FRMD5: variants seen among roughly 807,000 people sequenced by gnomAD.
FRMD5 encodes FERM domain containing 5.
In FRMD5, 20 loss-of-function variants were observed where a neutral mutation model predicts 69.0. The observed-to-expected ratio is 0.29, with a 90% CI of 0.20 to 0.42. The LOEUF (loss-of-function observed/expected upper bound fraction) is 0.42. Among genes scored for constraint, FRMD5 ranks in the 10% least tolerant of loss-of-function variants. The pLI is 1.00. For missense variants in FRMD5, 595 were observed against 708.6 expected, an observed-to-expected ratio of 0.84 and a Z score of 1.82; for synonymous variants, 271 against 260.1, an observed-to-expected ratio of 1.04 and a Z score of -0.40.
rs7166242 is a variant in FRMD5 at position 43,875,363 on chromosome 15, A to T, written c.1136-901T>A. ...AAGACTGTCTCAAAAAAAAAAAAAAAATATATATATATATATATATATATA... is the reference window on the plus strand; with the variant it reads ...AAGACTGTCTCAAAAAAAAAAAAAATATATATATATATATATATATATATA... On this transcript the variant is annotated intron_variant, in intron 13 of 13. Transcript: ENST00000417257. Among the ~76,000 whole-genome samples, 669 of 105,234 alleles carry T rather than the reference A, an allele frequency of 6.4e-3. 3 individuals are homozygous for T. The highest frequency in any genetic ancestry group is 0.021 in the African/African-American group (521 of 24,704). The allele number at this position is 105,234 out of a possible 152,430, so 69.0% of individuals were successfully genotyped here.
chr15:43,990,032 C>T, intron 1 of FRMD5: 1 of 801,072 alleles, frequency 1.2e-6, no homozygotes, highest in Non-Finnish European at 2.2e-6. Context: ...ACATAGGAGT[C>T]CTTCTGACCC....
rs1255519662 is a variant in FRMD5 at position 43,874,155 on chromosome 15, G to A, written c.1443C>T (p.Ala481=). The change falls in exon 14 of 14, where the codon GCC becomes GCT. Residue 481 remains alanine (A), a synonymous_variant. Transcript: ENST00000417257. Reference sequence around the variant, plus strand: ...CGGGCCCGCTGTGCCCCTGACACAGGGCCCTCAGCTCTCCCCCAAGGGCCT... The same window carrying A: ...CGGGCCCGCTGTGCCCCTGACACAGAGCCCTCAGCTCTCCCCCAAGGGCCT... ...EVEALGGELR[A]LCQGHSGPEE... The A allele has an allele frequency of 3.7e-6, 6 of 1,614,162 alleles. No homozygotes were observed. The highest frequency in any genetic ancestry group is 5.1e-6 in the Non-Finnish European group (6 of 1,180,040).
intron 1 of FRMD5, among the ~76,000 whole-genome samples, chr15:44,012,067 C>T (rs1370424091): frequency 6.6e-6 from 1 of 152,164 alleles, no homozygotes; most frequent in Non-Finnish European, 1.5e-5. Context: ...TTCACTTTCA[C>T]TGCTATGTGC....
intron 1 of FRMD5, among the ~76,000 whole-genome samples, chr15:44,164,792 G>A (rs971748048): frequency 3.9e-5 from 6 of 152,154 alleles, no homozygotes; most frequent in Non-Finnish European, 7.3e-5. Flanking sequence ...CAGGAACCAC[G>A]GAGAATACAT....
intron 1 of FRMD5, among the ~76,000 whole-genome samples, chr15:44,182,124 C>T (rs2078013191): frequency 6.6e-6 from 1 of 151,192 alleles, no homozygotes; most frequent in African/African-American, 2.4e-5. Context: ...AATTTTCCTG[C>T]CTCAGCCTCC....
At chr15:44,068,979 A>T (rs754236143) in intron 1 of FRMD5, among the ~76,000 whole-genome samples, 1 of 152,170 alleles carries the variant, frequency 6.6e-6, no homozygotes, top group Non-Finnish European at 1.5e-5. Context: ...TCAAAATCCA[A>T]TAATAAAAAC....
chr15:44,022,584 GAA>G (rs5812262), intron 1 of FRMD5, among the ~76,000 whole-genome samples: 4 of 73,192 alleles, frequency 5.5e-5, no homozygotes, highest in African/African-American at 1.7e-4. Flanking sequence ...CACTCCACCA[GAA>G]AAAAAAAAAA....
At position 44,011,422 on chromosome 15, in the gene FRMD5, T is replaced by C. The variant is rs915002615; in HGVS notation, c.103-87113A>G. ...CTAAGAGGGAAGAGTCAAAGGTGAC[T>C]TGGAGAATGCTGATGTCATTCAAGA... On this transcript the variant is annotated intron_variant, in intron 1 of 13. Transcript: ENST00000417257. Among the ~76,000 whole-genome samples the C allele has an allele frequency of 7.9e-5, 12 of 152,234 alleles. 1 individual carries two copies. In the South Asian group the frequency reaches 1.9e-3, roughly 24 times the overall value.
chr15:44,165,039 T>C (rs935459337), intron 1 of FRMD5, among the ~76,000 whole-genome samples: 4 of 152,170 alleles, frequency 2.6e-5, no homozygotes, highest in African/African-American at 9.7e-5. Flanking sequence ...TGTTGTCCAC[T>C]TTCTAAGCCC....
chr15:44,019,853 T>C (rs1165116651), intron 1 of FRMD5, among the ~76,000 whole-genome samples: 2 of 151,810 alleles, frequency 1.3e-5, no homozygotes, highest in Non-Finnish European at 2.9e-5. Context: ...CATTTCCCAC[T>C]TAATTTTTCT....
chr15:44,137,372 A>G (rs1005990188), intron 1 of FRMD5, among the ~76,000 whole-genome samples: 1 of 152,204 alleles, frequency 6.6e-6, no homozygotes, highest in African/African-American at 2.4e-5. Flanking sequence ...CATGGCTGCA[A>G]TTTGGGGATT....
chr15:44,024,041 C>A (rs1225735329), intron 1 of FRMD5, among the ~76,000 whole-genome samples: 1 of 152,000 alleles, frequency 6.6e-6, no homozygotes, highest in South Asian at 2.1e-4. Flanking sequence ...ACTGCTATTA[C>A]CATTGTGAAC....
intron 1 of FRMD5, among the ~76,000 whole-genome samples, chr15:44,174,998 C>A (rs968106555): frequency 3.3e-5 from 5 of 152,106 alleles, no homozygotes; most frequent in Non-Finnish European, 5.9e-5. Context: ...GTGCAGCAAA[C>A]CACCATGGCA....
chr15:43,950,843 G>A (rs2090015474), intron 1 of FRMD5, among the ~76,000 whole-genome samples: 2 of 152,156 alleles, frequency 1.3e-5, no homozygotes, highest in Non-Finnish European at 2.9e-5. Context: ...TGCTTCCCCT[G>A]CCATCATTTT....
chr15:43,878,446 T>A (rs1418135973), intron 13 of FRMD5, among the ~76,000 whole-genome samples: 3 of 152,198 alleles, frequency 2.0e-5, no homozygotes, highest in Admixed American at 6.5e-5. Context: ...AGAAACTGTT[T>A]TGAAATAACC....
At chr15:43,964,682 T>C (rs992413078) in intron 1 of FRMD5, among the ~76,000 whole-genome samples, 7 of 152,172 alleles carry the variant, frequency 4.6e-5, no homozygotes, top group African/African-American at 9.7e-5. Flanking sequence ...AGAAAAGATA[T>C]TACCTAAAAG....
chr15:44,000,274 A>C (rs1890153045), intron 1 of FRMD5, among the ~76,000 whole-genome samples: 1 of 152,010 alleles, frequency 6.6e-6, no homozygotes. Context: ...GGTGTGAGCC[A>C]CTGCACCTCA....
intron 1 of FRMD5, among the ~76,000 whole-genome samples, chr15:44,181,044 CTTTT>C (rs1566989345): frequency 6.6e-6 from 1 of 151,992 alleles, no homozygotes. Context: ...AATTTAATCA[CTTTT>C]TTTATTTTTA....
chr15:44,184,457 C>G (rs1300138891), intron 1 of FRMD5, among the ~76,000 whole-genome samples: 2 of 152,182 alleles, frequency 1.3e-5, no homozygotes, highest in African/African-American at 2.4e-5. Flanking sequence ...ATACAACACT[C>G]TTAAGTTTAA....
Sources: gnomAD v4.1 joint callset for allele counts (sites outside exome capture counted in the v4.1 genomes callset) on GRCh38, gnomAD v4.1.1 for gene constraint, MANE v1.5 for transcripts, NCBI Gene and HGNC (gene_info 2026-07-23, HGNC 2026-07-21) for gene names.